Variants in CUBN observed in about 807,000 individuals in gnomAD.
CUBN encodes the protein 460 kDa receptor.
CUBN carries 282 observed loss-of-function variants against 405.3 expected under a neutral mutation model. The observed-to-expected ratio is 0.70, with a 90% confidence interval of 0.63 to 0.77. The LOEUF (loss-of-function observed/expected upper bound fraction) is 0.77. Among genes scored for constraint, CUBN ranks in the 30% least tolerant of loss-of-function variants. The pLI is 0.00. For missense variants in CUBN, 4,514 were observed against 4,475.2 expected (o/e 1.01, Z -0.25); for synonymous variants, 1,684 against 1,617.0 (o/e 1.04, Z -0.99).
intron 14 of CUBN, among the ~76,000 whole-genome samples, chr10:17,090,155 G>A (rs76038354): frequency 0.037 from 5,587 of 152,048 alleles, 205 homozygotes; most frequent in South Asian, 0.2. Flanking sequence ...CGTCAATAGA[G>A]TATTGATTGA....
At chr10:16,829,614 G>T (rs903641404) in intron 65 of CUBN, among the ~76,000 whole-genome samples, 1 of 152,120 alleles carries the variant, frequency 6.6e-6, no homozygotes, top group African/African-American at 2.4e-5. Flanking sequence ...GTGTTAATTT[G>T]TTCAATTTGT....
chr10:16,986,142 G>C lies in CUBN; in HGVS notation c.4351-1863C>G, dbSNP rs901354724. ...AAAGAAAGACCATCTTTGGGAGACAGTTTTCAAAGAGTTGGTATCTGAGAC... is the reference window on the plus strand; with the variant it reads ...AAAGAAAGACCATCTTTGGGAGACACTTTTCAAAGAGTTGGTATCTGAGAC... On this transcript the variant is annotated intron_variant, in intron 29 of 66. Transcript: ENST00000377833. Among the ~76,000 whole-genome samples, 8 of 152,342 alleles carry C rather than the reference G, an allele frequency of 5.3e-5. No individual in the cohort carries two copies. The South Asian group carries it at 8.3e-4, about 16-fold the overall frequency.
intron 28 of CUBN, among the ~76,000 whole-genome samples, chr10:17,007,104 G>C (rs1480522271): frequency 6.6e-6 from 1 of 152,188 alleles, no homozygotes. Flanking sequence ...GAAGAGGCGA[G>C]GGGGTCTGTG....
At chr10:17,120,268 T>C (rs1221015193) in intron 6 of CUBN, among the ~76,000 whole-genome samples, 2 of 152,250 alleles carry the variant, frequency 1.3e-5, no homozygotes, top group East Asian at 1.9e-4. Flanking sequence ...TTTAATCTTA[T>C]GCTCATGCAC....
intron 6 of CUBN, chr10:17,122,324 G>A (rs762615117): frequency 8.2e-6 from 2 of 242,578 alleles, no homozygotes; most frequent in African/African-American, 2.3e-5. Flanking sequence ...CTTTGACCTC[G>A]TTATGGTCAC....
chr10:16,879,056 T>C (rs1840595618), intron 56 of CUBN, among the ~76,000 whole-genome samples: 1 of 152,248 alleles, frequency 6.6e-6, no homozygotes, highest in African/African-American at 2.4e-5. Flanking sequence ...GGGCACATGC[T>C]TTCAGTTCCT....
intron 29 of CUBN, among the ~76,000 whole-genome samples, chr10:16,986,140 C>T (rs1207202976): frequency 6.6e-6 from 1 of 152,214 alleles, no homozygotes; most frequent in Non-Finnish European, 1.5e-5. Flanking sequence ...CTTTGGGAGA[C>T]AGTTTTCAAA....
chr10:16,898,691 C>T (rs942718249), intron 54 of CUBN, among the ~76,000 whole-genome samples: 1 of 152,020 alleles, frequency 6.6e-6, no homozygotes, highest in African/African-American at 2.4e-5. Context: ...TCTTAATGCC[C>T]AAGGTGAAGG....
intron 43 of CUBN, 151 bp downstream of exon 43, chr10:16,925,090 T>C: frequency 1.6e-6 from 1 of 633,074 alleles, no homozygotes. Flanking sequence ...GTAGTCACGA[T>C]GAGATATTGA....
rs200802531 is a variant in CUBN, at chr10:17,109,682, T to A, written c.1069A>T (p.Asn357Tyr). The change falls in exon 10 of 67, where the codon AAT becomes TAT. Residue 357 changes from asparagine (N) to tyrosine (Y), a missense_variant. Asn to Tyr is a moderately radical substitution (Grantham distance 143). Transcript: ENST00000377833. ...CTLTDICSVS[N>Y]GGCHPDASCS... ...GAGGCATCTGGGTGGCAGCCTCCAT[T>A]ACTGACTGAGCAGATGTCTGTGAGT... The A allele has an allele frequency of 3.1e-6, 5 of 1,613,974 alleles. No homozygotes were observed. In the East Asian group the frequency reaches 1.1e-4, roughly 36 times the overall value.
At chr10:16,968,627 T>C (rs1843466410) in intron 31 of CUBN, among the ~76,000 whole-genome samples, 1 of 152,230 alleles carries the variant, frequency 6.6e-6, no homozygotes, top group Non-Finnish European at 1.5e-5. Flanking sequence ...GACTTTCCTC[T>C]TCCTGCTCTC....
At chr10:16,877,519 G>A (rs144186741) in intron 56 of CUBN, among the ~76,000 whole-genome samples, 3 of 152,178 alleles carry the variant, frequency 2.0e-5, no homozygotes, top group Non-Finnish European at 2.9e-5. Flanking sequence ...CCTACACCCC[G>A]GACCCTCTGG....
At chr10:17,104,635 A>T in intron 11 of CUBN, 30 bp from the exon 12 acceptor site, 8 of 1,563,962 alleles carry the variant, frequency 5.1e-6, no homozygotes, top group Non-Finnish European at 7.0e-6. Flanking sequence ...ATAATACCAT[A>T]AAACAAATGG....
chr10:16,843,795 T>C (rs962393705), intron 60 of CUBN, among the ~76,000 whole-genome samples: 1 of 152,148 alleles, frequency 6.6e-6, no homozygotes, highest in African/African-American at 2.4e-5. Context: ...ACAAATTAAA[T>C]ATACAAATAC....
At chr10:17,030,725 C>A (rs1187848313) in intron 27 of CUBN, among the ~76,000 whole-genome samples, 1 of 152,018 alleles carries the variant, frequency 6.6e-6, no homozygotes, top group Non-Finnish European at 1.5e-5. Context: ...TCGAGACCAG[C>A]CTGACCAACA....
intron 56 of CUBN, among the ~76,000 whole-genome samples, chr10:16,879,951 C>A (rs1220053298): frequency 6.6e-6 from 1 of 152,124 alleles, no homozygotes; most frequent in Non-Finnish European, 1.5e-5. Context: ...TGAGGAGTAC[C>A]CACTGTGAGA....
At chr10:16,901,889 GTATATATATATATATA>G (rs67084462) in intron 51 of CUBN, among the ~76,000 whole-genome samples, 4 of 109,218 alleles carry the variant, frequency 3.7e-5, no homozygotes, top group African/African-American at 1.5e-4. Context: ...ACCATATATA[GTATATATATATATATA>G]TATATATATA....
At chr10:16,916,710 G>A (rs2131460047) in intron 45 of CUBN, among the ~76,000 whole-genome samples, 2 of 152,066 alleles carry the variant, frequency 1.3e-5, no homozygotes, top group South Asian at 4.1e-4. Flanking sequence ...CAAATTATGT[G>A]CTATTGTGAC....
At chr10:16,828,060 A>G (rs1838843282) in intron 66 of CUBN, among the ~76,000 whole-genome samples, 2 of 152,242 alleles carry the variant, frequency 1.3e-5, no homozygotes, top group Non-Finnish European at 2.9e-5. Flanking sequence ...TTTCAGCAAG[A>G]AGTAGATAAA....
Sources: allele counts gnomAD v4.1 joint callset (sites outside exome capture counted in the v4.1 genomes callset), GRCh38; gene constraint gnomAD v4.1.1; transcripts MANE v1.5; gene names NCBI Gene and HGNC (gene_info 2026-07-23, HGNC 2026-07-21).